The following PARD3 variants were observed in gnomAD, a reference collection of about 807,000 sequenced individuals.
The protein encoded by PARD3 is par-3 family cell polarity regulator.
A neutral mutation model predicts 155.4 loss-of-function variants in PARD3; 75 were observed. That is an observed-to-expected ratio of 0.48 (90% confidence interval 0.40 to 0.58). The LOEUF (loss-of-function observed/expected upper bound fraction) is 0.58, where lower values mean the gene tolerates loss of function less well. PARD3 is among the 20% of genes least tolerant of loss of function. PARD3 has a pLI of 0.00. For missense variants in PARD3, 1,642 were observed against 1,721.7 expected, an observed-to-expected ratio of 0.95 and a Z score of 0.82; for synonymous variants, 576 against 610.5, an observed-to-expected ratio of 0.94 and a Z score of 0.83.
intron 3 of PARD3, among the ~76,000 whole-genome samples, chr10:34,508,915 T>C (rs2081243764): frequency 6.6e-6 from 1 of 152,168 alleles, no homozygotes; most frequent in Non-Finnish European, 1.5e-5. Context: ...CAGGCTGCAT[T>C]AGAACTGTGA....
At chr10:34,259,468 G>A (rs928200559) in intron 22 of PARD3, among the ~76,000 whole-genome samples, 2 of 152,172 alleles carry the variant, frequency 1.3e-5, no homozygotes, top group Admixed American at 6.5e-5. Flanking sequence ...CAATAGGGCA[G>A]CAGCTTCAGT....
chr10:34,546,533 A>T (rs1175765253), intron 2 of PARD3, among the ~76,000 whole-genome samples: 2 of 118,936 alleles, frequency 1.7e-5, no homozygotes, highest in Non-Finnish European at 3.5e-5. Context: ...AAAAAAGTGG[A>T]ATTTTGTTGT....
intron 5 of PARD3, among the ~76,000 whole-genome samples, chr10:34,420,029 G>A (rs1449224222): frequency 5.3e-5 from 8 of 152,186 alleles, no homozygotes; most frequent in Admixed American, 5.2e-4. Flanking sequence ...TTGGCATACT[G>A]CAGCGTCTGC....
chr10:34,463,267 G>A (rs73261475), intron 4 of PARD3, among the ~76,000 whole-genome samples: 8,665 of 129,490 alleles, frequency 0.067, 992 homozygotes, highest in African/African-American at 0.24. Flanking sequence ...GGAAGGGGAA[G>A]GGGGAAGAGG....
intron 2 of PARD3, among the ~76,000 whole-genome samples, chr10:34,688,122 G>A (rs2093983282): frequency 6.6e-6 from 1 of 152,176 alleles, no homozygotes; most frequent in South Asian, 2.1e-4. Context: ...CAAAGTGCTG[G>A]GATTACAGGC....
At chr10:34,600,720 C>T (rs1242099368) in intron 2 of PARD3, among the ~76,000 whole-genome samples, 2 of 152,156 alleles carry the variant, frequency 1.3e-5, no homozygotes, top group African/African-American at 4.8e-5. Flanking sequence ...TGAAAGACTC[C>T]TCCCCAAACA....
chr10:34,337,806 C>T (rs553532305), intron 16 of PARD3, among the ~76,000 whole-genome samples: 10 of 152,198 alleles, frequency 6.6e-5, no homozygotes, highest in Admixed American at 2.0e-4. Context: ...ACACTAGCAG[C>T]GAACAAGTGA....
Position 34,246,772 on chromosome 10 carries a change from A to G in PARD3, c.3419+22885T>C, listed in dbSNP as rs141144948. 3.7e-3 allele frequency among the ~76,000 whole-genome samples: 564 copies of G among 152,264 alleles called. 2 individuals carry two copies. The highest frequency in any genetic ancestry group is 0.022 in the South Asian group (104 of 4,814). On this transcript the variant is annotated intron_variant, in intron 22 of 24. Coordinates refer to ENST00000374788, the MANE Select transcript of PARD3 (RefSeq NM_001184785.2). Reference sequence around the variant, plus strand: ...ACTGCATGGACTGAATACCCAGGGTATTCAGTCAAGGAGGGCTACGCCTTG... The same window carrying G: ...ACTGCATGGACTGAATACCCAGGGTGTTCAGTCAAGGAGGGCTACGCCTTG...
intron 2 of PARD3, among the ~76,000 whole-genome samples, chr10:34,612,919 T>A (rs1040059004): frequency 4.6e-5 from 7 of 152,214 alleles, no homozygotes; most frequent in African/African-American, 1.7e-4. Flanking sequence ...TAATGCTAGT[T>A]ACTGTTTCTC....
At chr10:34,344,600 A>G (rs962540246) in intron 15 of PARD3, 3 of 985,100 alleles carry the variant, frequency 3.0e-6, no homozygotes, top group African/African-American at 3.5e-5. Flanking sequence ...GCTGTTTTTT[A>G]TTGTTAGTTA....
intron 2 of PARD3, among the ~76,000 whole-genome samples, chr10:34,619,265 G>C (rs1467584866): frequency 2.0e-5 from 3 of 151,900 alleles, no homozygotes; most frequent in African/African-American, 4.8e-5. Context: ...GGCCAGGCTG[G>C]TCTCGAACTG....
chr10:34,765,671 C>CA (rs112970917), intron 1 of PARD3, among the ~76,000 whole-genome samples: 41,220 of 135,910 alleles, frequency 0.3, 5,981 homozygotes, highest in East Asian at 0.55. Context: ...GAGTAAGACT[C>CA]AAAAAAAAAA....
intron 22 of PARD3, among the ~76,000 whole-genome samples, chr10:34,239,021 T>C (rs1163770792): frequency 6.6e-6 from 1 of 152,230 alleles, no homozygotes; most frequent in African/African-American, 2.4e-5. Flanking sequence ...GAATAGACCT[T>C]CATTACAAAT....
chr10:34,264,194 AC>A (rs1955177491), intron 22 of PARD3, among the ~76,000 whole-genome samples: 1 of 152,196 alleles, frequency 6.6e-6, no homozygotes, highest in Admixed American at 6.5e-5. Context: ...GATATCCAAC[AC>A]TTCATTATAA....
At chr10:34,383,193 T>C (rs370151182) in intron 8 of PARD3, among the ~76,000 whole-genome samples, 2 of 152,176 alleles carry the variant, frequency 1.3e-5, no homozygotes, top group East Asian at 3.8e-4. Flanking sequence ...CTGTAAATCA[T>C]TAAACATGTT....
intron 2 of PARD3, among the ~76,000 whole-genome samples, chr10:34,691,015 C>G (rs922917821): frequency 2.6e-5 from 4 of 152,136 alleles, no homozygotes; most frequent in Non-Finnish European, 5.9e-5. Flanking sequence ...GAGTTTGAGA[C>G]AAGCCTTGGC....
chr10:34,802,892 G>A (rs1461190264), intron 1 of PARD3, among the ~76,000 whole-genome samples: 1 of 151,800 alleles, frequency 6.6e-6, no homozygotes, highest in Admixed American at 6.6e-5. Context: ...TTCTCTCTTT[G>A]AACCCAGACA....
At chr10:34,659,418 C>T (rs148073944) in intron 2 of PARD3, among the ~76,000 whole-genome samples, 7 of 152,012 alleles carry the variant, frequency 4.6e-5, no homozygotes, top group African/African-American at 9.7e-5. Flanking sequence ...TATTAATCTT[C>T]GCCAAAACTG....
intron 2 of PARD3, among the ~76,000 whole-genome samples, chr10:34,562,714 A>T (rs1007227948): frequency 6.6e-6 from 1 of 152,194 alleles, no homozygotes; most frequent in African/African-American, 2.4e-5. Flanking sequence ...GAGGAGAGGA[A>T]GAGAGAAATA....
Sources: allele counts gnomAD v4.1 joint callset (sites outside exome capture counted in the v4.1 genomes callset), GRCh38; gene constraint gnomAD v4.1.1; transcripts MANE v1.5; gene names NCBI Gene and HGNC (gene_info 2026-07-23, HGNC 2026-07-21).